NTRK3: variants seen among roughly 807,000 people sequenced by gnomAD.
NTRK3 encodes the protein neurotrophic receptor tyrosine kinase 3, also known as NT-3 growth factor receptor.
A neutral mutation model predicts 91.7 loss-of-function variants in NTRK3; 24 were observed. The observed-to-expected ratio is 0.26, with a 90% CI of 0.19 to 0.37. The LOEUF (loss-of-function observed/expected upper bound fraction) is 0.37. NTRK3 is among the 10% of genes least tolerant of loss of function. The pLI is 1.00. For synonymous variants in NTRK3, 483 were observed against 404.0 expected, an observed-to-expected ratio of 1.20 and a Z score of -2.34; for missense variants, 880 against 1,068.9, an observed-to-expected ratio of 0.82 and a Z score of 2.46.
intron 13 of NTRK3, among the ~76,000 whole-genome samples, chr15:88,105,117 A>G (rs969236193): frequency 6.6e-6 from 1 of 152,194 alleles, no homozygotes; most frequent in African/African-American, 2.4e-5. Context: ...GTATCATCAT[A>G]AATAATTCAA....
intron 13 of NTRK3, among the ~76,000 whole-genome samples, chr15:88,095,049 C>T (rs937169447): frequency 6.6e-6 from 1 of 152,204 alleles, no homozygotes; most frequent in Admixed American, 6.5e-5. Flanking sequence ...AAATTGATGG[C>T]ACTCTGGCGG....
intron 13 of NTRK3, among the ~76,000 whole-genome samples, chr15:88,054,689 G>A (rs572121351): frequency 7.4e-4 from 113 of 152,136 alleles, no homozygotes; most frequent in South Asian, 2.9e-3. Context: ...AAATACTCCT[G>A]GATCTCAATT....
At chr15:87,877,267 T>C (rs780759937) in intron 18 of NTRK3, 147 bp from the exon 20 acceptor site, 2 of 827,640 alleles carry the variant, frequency 2.4e-6, no homozygotes, top group African/African-American at 1.7e-5. Flanking sequence ...CTAGGCTGTA[T>C]ACAGCACTGG....
chr15:87,966,836 C>T (rs918579562), intron 14 of NTRK3, among the ~76,000 whole-genome samples: 3 of 152,184 alleles, frequency 2.0e-5, no homozygotes, highest in Non-Finnish European at 2.9e-5. Flanking sequence ...GAGGTCCCCT[C>T]TTACCCAAGA....
chr15:88,126,519 G>T, intron 12 of NTRK3, 146 bp from the exon 13 acceptor site: 1 of 602,266 alleles, frequency 1.7e-6, no homozygotes, highest in East Asian at 2.8e-5. Context: ...AAGGTCTTTA[G>T]AAGAAGAAAT....
chr15:88,026,594 T>G (rs1395589924), intron 14 of NTRK3, among the ~76,000 whole-genome samples: 2 of 152,198 alleles, frequency 1.3e-5, no homozygotes, highest in Non-Finnish European at 2.9e-5. Flanking sequence ...CCCACAGAAC[T>G]TGTCCAACAC....
chr15:87,973,831 C>T (rs975687584), intron 14 of NTRK3, among the ~76,000 whole-genome samples: 1 of 152,134 alleles, frequency 6.6e-6, no homozygotes, highest in Admixed American at 6.5e-5. Context: ...CCCCTCTCCC[C>T]CTCCCTGTCT....
intron 17 of NTRK3, among the ~76,000 whole-genome samples, chr15:87,895,791 A>C (rs1286093435): frequency 6.8e-6 from 1 of 148,144 alleles, no homozygotes; most frequent in African/African-American, 2.5e-5. Flanking sequence ...TTTTTTTTTC[A>C]TTTTATTTTA....
intron 14 of NTRK3, chr15:87,981,424 T>G: frequency 6.2e-7 from 1 of 1,612,446 alleles, no homozygotes. Context: ...GCAAAAAACA[T>G]GGGAAAGTAT....
intron 3 of NTRK3, among the ~76,000 whole-genome samples, chr15:88,247,151 C>T (rs2052914218): frequency 6.6e-6 from 1 of 152,218 alleles, no homozygotes; most frequent in African/African-American, 2.4e-5. Context: ...CTGTTTCCCG[C>T]GGCAGGTAGC....
intron 5 of NTRK3, among the ~76,000 whole-genome samples, chr15:88,150,116 A>T (rs1212820105): frequency 6.6e-6 from 1 of 152,182 alleles, no homozygotes; most frequent in African/African-American, 2.4e-5. Flanking sequence ...CAGAAAGCTC[A>T]GACTTATTGA....
intron 14 of NTRK3, among the ~76,000 whole-genome samples, chr15:87,965,754 G>T (rs2072733299): frequency 6.6e-6 from 1 of 152,164 alleles, no homozygotes; most frequent in African/African-American, 2.4e-5. Flanking sequence ...TTAAACATCT[G>T]CAGATCAATA....
chr15:88,227,989 T>C (rs1002278877), intron 3 of NTRK3, among the ~76,000 whole-genome samples: 4 of 152,136 alleles, frequency 2.6e-5, no homozygotes, highest in Non-Finnish European at 2.9e-5. Context: ...TCTAGACACA[T>C]AATTCACTAA....
At chr15:87,918,506 G>A (rs1200566031) in intron 17 of NTRK3, among the ~76,000 whole-genome samples, 1 of 152,238 alleles carries the variant, frequency 6.6e-6, no homozygotes, top group South Asian at 2.1e-4. Context: ...TAACCTCTCT[G>A]ATGGAGATAT....
exon 19 of NTRK3, chr15:87,864,627 G>A (rs774382686): frequency 8.2e-5 from 19 of 230,808 alleles, no homozygotes; most frequent in Non-Finnish European, 1.5e-4. Context: ...CCCTGAACCA[G>A]TGACTAAGCC....
rs148728207 is a variant in NTRK3, at chr15:88,255,954, C to T, written c.200G>A (p.Gly67Glu). Reference sequence around the variant, plus strand: ...GTCCGTGATGTTGATACTGGCGTTCCCATTGCTGTTCCCTGAATCCTGCCC... The same window carrying T: ...GTCCGTGATGTTGATACTGGCGTTCTCATTGCTGTTCCCTGAATCCTGCCC... Residue 67 changes from glycine to glutamate, a missense_variant, in exon 3 of 19, where the codon GGG (glycine) becomes GAG (glutamate). Physicochemically the swap from Gly to Glu is moderately conservative, Grantham distance 98. Coordinates refer to ENST00000394480, the Ensembl canonical transcript of NTRK3. This position sits in a 1 kb window ranked among gnomAD's most constrained non-coding sequence, Gnocchi z 4.3. 34 of 1,613,382 alleles carry T rather than the reference C, an allele frequency of 2.1e-5. No individual in the cohort carries two copies. Among genetic ancestry groups the T allele is most frequent in the Non-Finnish European group, 2.7e-5 (32 of 1,179,664 alleles).
chr15:88,009,634 C>A (rs1050679975), intron 14 of NTRK3, among the ~76,000 whole-genome samples: 2 of 152,174 alleles, frequency 1.3e-5, no homozygotes, highest in Non-Finnish European at 2.9e-5. Flanking sequence ...GTGCACATGA[C>A]CCTCCTGCTG....
intron 6 of NTRK3, among the ~76,000 whole-genome samples, chr15:88,144,583 G>A (rs1246119063): frequency 1.3e-5 from 2 of 152,040 alleles, no homozygotes; most frequent in Admixed American, 6.5e-5. Flanking sequence ...GGAAACAGCA[G>A]ATCGGGGTAG....
Position 88,128,753 on chromosome 15 carries a change from G to A in NTRK3, c.1205-19C>T, listed in dbSNP as rs780947177. 3 of 1,612,516 alleles carry A rather than the reference G, an allele frequency of 1.9e-6. No individual in the cohort carries two copies. Among genetic ancestry groups the A allele is most frequent in the East Asian group, 4.5e-5 (2 of 44,862 alleles). Reference sequence around the variant, plus strand: ...GTGCTCTCTGCAAAAAAAGGACAAAGAGATAATTAACAAATTTAATAAAAA... The same window carrying A: ...GTGCTCTCTGCAAAAAAAGGACAAAAAGATAATTAACAAATTTAATAAAAA... On this transcript the variant is annotated intron_variant, in intron 10 of 18. Transcript: ENST00000394480.
Sources: gnomAD v4.1 joint callset for allele counts (sites outside exome capture counted in the v4.1 genomes callset) on GRCh38, gnomAD v4.1.1 for gene constraint, Gnocchi (gnomAD v3.1) non-coding constraint, MANE v1.5 for transcripts, NCBI Gene and HGNC (gene_info 2026-07-23, HGNC 2026-07-21) for gene names.